Variants in TPP1 observed in about 807,000 individuals in gnomAD.
TPP1 encodes tripeptidyl peptidase 1, also known as tripeptidyl-peptidase 1.
A neutral mutation model predicts 67.6 loss-of-function variants in TPP1; 43 were observed. The ratio of observed to expected loss-of-function variants is 0.64; its 90% CI spans 0.50 to 0.82. The LOEUF (loss-of-function observed/expected upper bound fraction) is 0.82, where lower values mean the gene tolerates loss of function less well. Among genes scored for constraint, TPP1 ranks in the 40% least tolerant of loss-of-function variants. The pLI, the probability that TPP1 is intolerant of heterozygous loss-of-function variation, is 0.00. For missense variants in TPP1, 671 were observed against 710.9 expected (o/e 0.94, Z 0.64); for synonymous variants, 272 against 281.5 (o/e 0.97, Z 0.34).
chr11:6,614,034 T>G lies in TPP1; in HGVS notation c.*512A>C. On this transcript the variant is annotated 3_prime_UTR_variant, in exon 13 of 13. Transcript: ENST00000299427. ...AATTGATGAGAGAGGAAGACAAGAG[T>G]AGTCAGAGAAGTTAAGACCTGGAAG... 6.1e-6 allele frequency: 1 copy of G among 162,844 alleles called. No individual in the cohort carries two copies. The allele number at this position is 162,844 out of a possible 1,614,324, so 10.1% of individuals were successfully genotyped here. A position where few individuals can be genotyped will look rare whatever the true frequency, so the allele number is the denominator to read the frequency against.
chr11:6,615,629 G>A, intron 9 of TPP1, 67 bp from the exon 10 acceptor site: 1 of 1,597,840 alleles, frequency 6.3e-7, no homozygotes, highest in Non-Finnish European at 8.6e-7. Context: ...TGTGGGGAGG[G>A]GTGAGTATAG....
rs550630749 is a variant in TPP1 at position 6,616,178 on chromosome 11, A to C, written c.1076-104T>G. 41 of 1,572,200 alleles carry C rather than the reference A, an allele frequency of 2.6e-5. No homozygotes were observed. The Admixed American group carries it at 6.7e-4, about 26-fold the overall frequency. On this transcript the variant is annotated intron_variant, in intron 8 of 12. Coordinates refer to ENST00000299427, the MANE Select transcript of TPP1 (RefSeq NM_000391.4). The stretch of plus-strand genomic sequence containing the variant: ...GTTACTGTAGGAGGTCAGAGTGTAG[A>C]GGTCAGGTCAGTGGTCCCTACTGGA...
intron 3 of TPP1, chr11:6,618,239 C>T: frequency 9.1e-6 from 3 of 329,902 alleles, no homozygotes; most frequent in East Asian, 8.4e-5. Context: ...CCAGCCTCTG[C>T]AGTTCACAAG....
rs766001677 is a variant in TPP1, at chr11:6,616,121, G to A, written c.1076-47C>T. On this transcript the variant is annotated intron_variant, in intron 8 of 12. Transcript: ENST00000299427. ...ATTCATATTAATTGGTTAGGGCTTA[G>A]TATGTGGGTTCGGATGTCAGAGGGG... is the stretch of plus-strand genomic sequence containing the variant. 5.6e-6 allele frequency: 9 copies of A among 1,611,144 alleles called. No individual in the cohort carries two copies. In the African/African-American group the frequency reaches 9.3e-5, roughly 17 times the overall value.
In TPP1 at chr11:6,618,913, A is replaced by T. The variant is rs1308771498; in HGVS notation, c.92T>A (p.Leu31Gln). 1.2e-6 allele frequency: 2 copies of T among 1,613,126 alleles called. No homozygotes were observed. Among genetic ancestry groups the T allele is most frequent in the East Asian group, 2.2e-5 (1 of 44,886 alleles). ...GCCCAGGGACACCCAGCCTGGGGGC[A>T]GCCTGTAGGGTCAGGGGTCAGGGAC... is the stretch of plus-strand genomic sequence containing the variant. ...YSPEPDQRRT[L>Q]PPGWVSLGRA... Residue 31 changes from leucine (L) to glutamine (Q), a missense_variant and splice_region_variant, in exon 3 of 13, where the codon CTG becomes CAG. Transcript: ENST00000299427.
intron 9 of TPP1, 121 bp downstream of exon 9, chr11:6,615,884 G>A: frequency 8.8e-7 from 1 of 1,142,854 alleles, no homozygotes; most frequent in South Asian, 1.3e-5. Flanking sequence ...AGCAACCAGG[G>A]CAGGCAAAGC....
chr11:6,617,577 C>T (rs1230031494), intron 4 of TPP1, 49 bp downstream of exon 4: 3 of 1,613,310 alleles, frequency 1.9e-6, no homozygotes, highest in African/African-American at 1.3e-5. Context: ...CCATCCATCT[C>T]ACTGATGGGA....
Position 6,614,919 on chromosome 11 carries a change from G to A in TPP1, c.1498C>T (p.Leu500Phe). The A allele has an allele frequency of 3.7e-6, 6 of 1,614,134 alleles. No homozygotes were observed. The highest frequency in any genetic ancestry group is 5.1e-6 in the Non-Finnish European group (6 of 1,180,034). ...TAGAGCCTTGGGTTGAGAAAGCCAA[G>A]AGGGGGGCGGCCACTAAGGATCCTG... ...EHRILSGRPP[L>F]GFLNPRLYQQ... The change falls in exon 12 of 13, where the codon CTT (leucine) becomes TTT (phenylalanine). Residue 500 changes from leucine to phenylalanine, a missense_variant. Coordinates refer to ENST00000299427, the MANE Select transcript of TPP1 (RefSeq NM_000391.4).
chr11:6,614,825 AGTT>A, intron 12 of TPP1, 38 bp downstream of exon 12: 1 of 1,613,838 alleles, frequency 6.2e-7, no homozygotes, highest in East Asian at 2.2e-5. Flanking sequence ...CACTCCCCAT[AGTT>A]GTTTGAAAAC....
intron 10 of TPP1, 38 bp downstream of exon 10, chr11:6,615,404 C>T (rs1439741911): frequency 2.5e-6 from 4 of 1,614,096 alleles, no homozygotes; most frequent in African/African-American, 2.7e-5. Context: ...CCCCCATCCT[C>T]ACTCTTACCC....
At chr11:6,618,450 C>G (rs1855618658) in intron 3 of TPP1, 2 of 549,508 alleles carry the variant, frequency 3.6e-6, no homozygotes, top group East Asian at 6.2e-5. Context: ...CAAAAGACGG[C>G]AAGAAGGAGA....
rs1589948943 is a variant in TPP1, at chr11:6,617,681, G to A, written c.325C>T (p.Gln109Ter). The A allele has an allele frequency of 2.5e-6, 4 of 1,614,074 alleles. No homozygotes were observed. The highest frequency in any genetic ancestry group is 2.5e-6 in the Non-Finnish European group (3 of 1,180,038). The stretch of plus-strand genomic sequence containing the variant: ...TGTGTGATCACAGAATGGCACTTCT[G>A]GGCTCCGGCTGCCAAGAGCCATTTT... ...VQKWLLAAGA[Q>*]KCHSVITQDF... The change falls in exon 4 of 13, where the codon CAG (glutamine) becomes TAG (stop). Residue 109 changes from glutamine (Q) to a stop codon, truncating the protein, a stop_gained. Transcript: ENST00000299427. LOFTEE classifies it high-confidence loss of function.
rs899097842 is a variant in TPP1, at chr11:6,613,946, A to C, written c.*600T>G. The C allele has an allele frequency of 6.3e-6, 1 of 157,766 alleles. No homozygotes were observed. Among genetic ancestry groups the C allele is most frequent in the African/African-American group, 2.4e-5 (1 of 41,468 alleles). 9.8% of individuals were successfully genotyped at this position (157,766 alleles called of 1,614,324 possible). A position where few individuals can be genotyped will look rare whatever the true frequency, so the allele number is the denominator to read the frequency against. ...GATTTGTTCCAGGGGACAATGAGTA[A>C]ACTGAGAAGAGCAAAAATCTACAAA... is the stretch of plus-strand genomic sequence containing the variant. On this transcript the variant is annotated 3_prime_UTR_variant, in exon 13 of 13. Transcript: ENST00000299427.
In TPP1 at chr11:6,619,220, C is replaced by T. The variant is rs202025584; in HGVS notation, c.65G>A (p.Ser22Asn). The change falls in exon 2 of 13, where the codon AGC (serine) becomes AAC (asparagine). Residue 22 changes from serine to asparagine, a missense_variant. Physicochemically the swap from Ser to Asn is conservative, Grantham distance 46. Transcript: ENST00000299427. ...ALILSGKCSY[S>N]PEPDQRRTLP... ...CGTCCTCCGCTGGTCGGGCTCCGGGCTGTAACTGCATTTGCCAGAGAGGAT... is the reference window on the plus strand; with the variant it reads ...CGTCCTCCGCTGGTCGGGCTCCGGGTTGTAACTGCATTTGCCAGAGAGGAT... 65 of 1,614,032 alleles carry T rather than the reference C, an allele frequency of 4.0e-5. No homozygotes were observed. Among genetic ancestry groups the T allele is most frequent in the Non-Finnish European group, 5.3e-5 (63 of 1,180,024 alleles).
At chr11:6,615,655 A>G in intron 9 of TPP1, 93 bp from the exon 10 acceptor site, 1 of 1,518,558 alleles carries the variant, frequency 6.6e-7, no homozygotes, top group Non-Finnish European at 9.1e-7. Context: ...GTCTTGCTGG[A>G]GGAACTAGAC....
rs770677434 is a variant in TPP1, at chr11:6,617,373, T to C, written c.436A>G (p.Thr146Ala). 2 of 1,614,128 alleles carry C rather than the reference T, an allele frequency of 1.2e-6. No homozygotes were observed. The highest frequency in any genetic ancestry group is 2.2e-5 in the South Asian group (2 of 91,084). ...AEFHHYVGGP[T>A]ETHVVRSPHP... ...GGGGACCTTACAACATGGGTTTCCG[T>C]AGGTCCTCCCACATAGTGATGAAAC... is the stretch of plus-strand genomic sequence containing the variant. The change falls in exon 5 of 13, where the codon ACG becomes GCG. Residue 146 changes from threonine to alanine, a missense_variant. Transcript: ENST00000299427.
rs2134588933 is a variant in TPP1 at position 6,613,590 on chromosome 11, T to C, written c.*956A>G. On this transcript the variant is annotated 3_prime_UTR_variant, in exon 13 of 13. Coordinates refer to ENST00000299427, the MANE Select transcript of TPP1 (RefSeq NM_000391.4). ...TAGCCCTAAACTAAGGTAGTAGCAG[T>C]GGGGATATAAGTGGATAAGTTCTAG... 6.6e-6 allele frequency: 1 copy of C among 152,486 alleles called. No individual in the cohort carries two copies. Among genetic ancestry groups the C allele is most frequent in the East Asian group, 1.9e-4 (1 of 5,166 alleles). 9.4% of individuals were successfully genotyped at this position (152,486 alleles called of 1,614,324 possible).
rs148064565 is a variant in TPP1, at chr11:6,617,746, T to C, written c.260A>G (p.Asp87Gly). 236 of 1,614,216 alleles carry C rather than the reference T, an allele frequency of 1.5e-4. No individual in the cohort carries two copies. The African/African-American group carries it at 2.8e-3, about 19-fold the overall frequency. The change falls in exon 4 of 13, where the codon GAT (aspartate) becomes GGT (glycine). Residue 87 changes from aspartate to glycine, a missense_variant. Transcript: ENST00000299427. Reference sequence around the variant, plus strand: ...GGTCAGTGGGGATGGCCTCACCAGATCAGCCACATTCTCTAGGGTCAGGTA... The same window carrying C: ...GGTCAGTGGGGATGGCCTCACCAGACCAGCCACATTCTCTAGGGTCAGGTA... ...GKYLTLENVA[D>G]LVRPSPLTLH...
chr11:6,614,387 G>A lies in TPP1; in HGVS notation c.*159C>T. 1 of 947,520 alleles carries A rather than the reference G, an allele frequency of 1.1e-6. No individual in the cohort carries two copies. The highest frequency in any genetic ancestry group is 2.5e-5 in the East Asian group (1 of 39,710). 58.7% of individuals were successfully genotyped at this position (947,520 alleles called of 1,614,324 possible). ...AGTATGATGGAGCATGGTAGGGTTGGGAGTCAAGTCAAGCTCACAGCATTT... is the reference window on the plus strand; with the variant it reads ...AGTATGATGGAGCATGGTAGGGTTGAGAGTCAAGTCAAGCTCACAGCATTT... On this transcript the variant is annotated 3_prime_UTR_variant, in exon 13 of 13. Coordinates refer to ENST00000299427, the MANE Select transcript of TPP1 (RefSeq NM_000391.4).
Sources: allele counts gnomAD v4.1 joint callset, GRCh38; gene constraint gnomAD v4.1.1; transcripts MANE v1.5; gene names NCBI Gene and HGNC (gene_info 2026-07-23, HGNC 2026-07-21).